The following XKR4 variants were observed in gnomAD, a reference collection of about 807,000 sequenced individuals.
The protein encoded by XKR4 is XK-related protein 4.
In XKR4, 12 loss-of-function variants were observed where a neutral mutation model predicts 53.9. That is an observed-to-expected ratio of 0.22 (90% CI 0.14 to 0.36). XKR4 has a LOEUF of 0.36. Among genes scored for constraint, XKR4 ranks in the 10% least tolerant of loss-of-function variants. The pLI is 1.00. For synonymous variants in XKR4, 354 were observed against 362.4 expected (o/e 0.98, Z 0.26); for missense variants, 799 against 859.5 (o/e 0.93, Z 0.88).
chr8:55,328,951 TCTC>T (rs1803336945), intron 1 of XKR4, among the ~76,000 whole-genome samples: 1 of 152,124 alleles, frequency 6.6e-6, no homozygotes, highest in South Asian at 2.1e-4. Flanking sequence ...GCTCATGGTC[TCTC>T]CTCCACTACC....
chr8:55,446,864 T>C (rs1019583289), intron 2 of XKR4, among the ~76,000 whole-genome samples: 2 of 152,178 alleles, frequency 1.3e-5, no homozygotes, highest in East Asian at 1.9e-4. Context: ...GAGTGGAAGA[T>C]AGTCTTCAAA....
At chr8:55,178,184 C>T (rs1370058865) in intron 1 of XKR4, among the ~76,000 whole-genome samples, 2 of 152,170 alleles carry the variant, frequency 1.3e-5, no homozygotes, top group Admixed American at 6.5e-5. Flanking sequence ...TGCTACAAAG[C>T]AGAGAATGTT....
At chr8:55,354,272 G>T (rs923268416) in intron 1 of XKR4, among the ~76,000 whole-genome samples, 2 of 152,118 alleles carry the variant, frequency 1.3e-5, no homozygotes, top group African/African-American at 4.8e-5. Context: ...TCCAATGCAG[G>T]GGTGAGTCCA....
intron 2 of XKR4, among the ~76,000 whole-genome samples, chr8:55,371,697 G>T (rs757546065): frequency 2.0e-5 from 3 of 152,154 alleles, no homozygotes; most frequent in African/African-American, 7.2e-5. Flanking sequence ...GATGGTTGTC[G>T]TGGAGGTAAT....
At chr8:55,431,094 T>C (rs1475444376) in intron 2 of XKR4, among the ~76,000 whole-genome samples, 1 of 152,212 alleles carries the variant, frequency 6.6e-6, no homozygotes, top group Non-Finnish European at 1.5e-5. Flanking sequence ...AAAGCTTCTT[T>C]AGAAAAAGAT....
chr8:55,323,386 C>A (rs954267379), intron 1 of XKR4, among the ~76,000 whole-genome samples: 1 of 152,174 alleles, frequency 6.6e-6, no homozygotes, highest in African/African-American at 2.4e-5. Flanking sequence ...AATCACTGAC[C>A]TGTTTTTTTC....
chr8:55,309,866 G>T (rs1019978104), intron 1 of XKR4, among the ~76,000 whole-genome samples: 1 of 152,120 alleles, frequency 6.6e-6, no homozygotes, highest in African/African-American at 2.4e-5. Context: ...TATCTAATTC[G>T]CTTGGTACAC....
At chr8:55,211,507 G>GTCACTATAT (rs1563484173) in intron 1 of XKR4, among the ~76,000 whole-genome samples, 2 of 152,090 alleles carry the variant, frequency 1.3e-5, no homozygotes, top group African/African-American at 4.8e-5. Flanking sequence ...TCTTTACTAT[G>GTCACTATAT]GTATGTCACT....
At chr8:55,230,879 A>G (rs542177235) in intron 1 of XKR4, among the ~76,000 whole-genome samples, 1 of 152,268 alleles carries the variant, frequency 6.6e-6, no homozygotes, top group South Asian at 2.1e-4. Context: ...TGCTCGGAGT[A>G]GGAGAGAGCT....
chr8:55,499,290 C>G (rs2622572), intron 2 of XKR4, among the ~76,000 whole-genome samples: 57,767 of 151,940 alleles, frequency 0.38, 13,072 homozygotes, highest in African/African-American at 0.64. Context: ...ATGCCTGGAG[C>G]ATAGAGGTCC....
At chr8:55,396,398 G>GTTTTT (rs1478254228) in intron 2 of XKR4, among the ~76,000 whole-genome samples, 12 of 36,446 alleles carry the variant, frequency 3.3e-4, no homozygotes, top group South Asian at 3.1e-3. Flanking sequence ...TTTTTTGTTT[G>GTTTTT]GTTTTTTTTT....
At chr8:55,110,596 T>C (rs1222928484) in intron 1 of XKR4, among the ~76,000 whole-genome samples, 2 of 152,160 alleles carry the variant, frequency 1.3e-5, no homozygotes, top group East Asian at 3.8e-4. Flanking sequence ...TTTTTTTAGA[T>C]TACTAGTGTT....
At chr8:55,378,785 G>A (rs1421530003) in intron 2 of XKR4, among the ~76,000 whole-genome samples, 2 of 152,112 alleles carry the variant, frequency 1.3e-5, no homozygotes, top group South Asian at 2.1e-4. Flanking sequence ...GGGAATGAGC[G>A]CATGTCTTAC....
intron 1 of XKR4, among the ~76,000 whole-genome samples, chr8:55,134,527 G>C (rs897748091): frequency 6.6e-6 from 1 of 152,200 alleles, no homozygotes; most frequent in South Asian, 2.1e-4. Context: ...CTCTCTCTCT[G>C]TTCATTCTTC....
At chr8:55,330,982 T>C (rs1018790712) in intron 1 of XKR4, among the ~76,000 whole-genome samples, 1 of 152,040 alleles carries the variant, frequency 6.6e-6, no homozygotes, top group Non-Finnish European at 1.5e-5. Flanking sequence ...AATTTTATAT[T>C]TTAATCATTT....
chr8:55,403,964 C>T (rs2658919), intron 2 of XKR4, among the ~76,000 whole-genome samples: 4,722 of 152,300 alleles, frequency 0.031, 100 homozygotes, highest in Middle Eastern at 0.065. Context: ...TGAATATCGA[C>T]CCTGCATCAC....
At chr8:55,243,628 T>A (rs1818241348) in intron 1 of XKR4, among the ~76,000 whole-genome samples, 1 of 152,218 alleles carries the variant, frequency 6.6e-6, no homozygotes, top group Admixed American at 6.5e-5. Flanking sequence ...GTGCTTAGCC[T>A]TGTAAAAAAC....
At chr8:55,498,073 A>G (rs1298210649) in intron 2 of XKR4, among the ~76,000 whole-genome samples, 2 of 152,142 alleles carry the variant, frequency 1.3e-5, no homozygotes, top group African/African-American at 4.8e-5. Flanking sequence ...GGGGTTTAAG[A>G]CTACTCTTTG....
chr8:55,326,468 C>CTTTTT (rs10666278), intron 1 of XKR4, among the ~76,000 whole-genome samples: 4 of 111,782 alleles, frequency 3.6e-5, no homozygotes, highest in East Asian at 2.7e-4. Context: ...ATTTTTTTTC[C>CTTTTT]TTTTTTTTTT....
Sources: allele counts gnomAD v4.1 joint callset (sites outside exome capture counted in the v4.1 genomes callset), GRCh38; gene constraint gnomAD v4.1.1; transcripts MANE v1.5; gene names NCBI Gene and HGNC (gene_info 2026-07-23, HGNC 2026-07-21).